Variants in NXPH1 observed in about 807,000 individuals in gnomAD.
The protein encoded by NXPH1 is neurexophilin-1.
Under a neutral mutation model 23.7 loss-of-function variants are expected in NXPH1, and 5 were observed. The ratio of observed to expected loss-of-function variants is 0.21; its 90% CI spans 0.11 to 0.44. The LOEUF is 0.44. Among genes scored for constraint, NXPH1 ranks in the 20% least tolerant of loss-of-function variants. NXPH1 has a pLI of 0.99. For missense variants in NXPH1, 324 were observed against 321.6 expected, an observed-to-expected ratio of 1.01 and a Z score of -0.06; for synonymous variants, 144 against 122.2, an observed-to-expected ratio of 1.18 and a Z score of -1.18.
chr7:8,605,869 C>T (rs571372295), intron 2 of NXPH1, among the ~76,000 whole-genome samples: 1 of 152,190 alleles, frequency 6.6e-6, no homozygotes, highest in East Asian at 1.9e-4. Flanking sequence ...AAGCACCATT[C>T]TTGATTTTAA....
intron 2 of NXPH1, among the ~76,000 whole-genome samples, chr7:8,465,883 T>C (rs2349482): frequency 0.38 from 57,463 of 152,056 alleles, 11,325 homozygotes; most frequent in East Asian, 0.64. Flanking sequence ...GAGACTGTTG[T>C]GTCCACAGCC....
chr7:8,710,686 C>T lies in NXPH1; in HGVS notation c.55-40322C>T, dbSNP rs932604177. ...TTTTTTTTTTTTTGAGACGGAGTCT[C>T]GCTCTGTCGCCCAGGCCGGACTGCG... On this transcript the variant is annotated intron_variant, in intron 2 of 2. Coordinates refer to ENST00000405863, the MANE Select transcript of NXPH1 (RefSeq NM_152745.3). 7.7e-5 allele frequency among the ~76,000 whole-genome samples: 7 copies of T among 90,850 alleles called. 1 individual carries two copies. The highest frequency in any genetic ancestry group is 1.3e-4 in the Non-Finnish European group (7 of 55,484). 59.6% of individuals were successfully genotyped at this position (90,850 alleles called of 152,430 possible). A position where few individuals can be genotyped will look rare whatever the true frequency, so the allele number is the denominator to read the frequency against.
intron 2 of NXPH1, among the ~76,000 whole-genome samples, chr7:8,711,944 C>T (rs1455618098): frequency 6.6e-6 from 1 of 152,196 alleles, no homozygotes; most frequent in Non-Finnish European, 1.5e-5. Flanking sequence ...GAATGCCATC[C>T]AGTTGTGAGG....
intron 2 of NXPH1, among the ~76,000 whole-genome samples, chr7:8,523,623 C>G (rs1301859386): frequency 6.6e-6 from 1 of 152,018 alleles, no homozygotes; most frequent in East Asian, 1.9e-4. Flanking sequence ...TCTTTTTGTT[C>G]AGGATTTCTT....
intron 2 of NXPH1, among the ~76,000 whole-genome samples, chr7:8,731,450 T>G (rs1780152295): frequency 6.6e-6 from 1 of 152,164 alleles, no homozygotes; most frequent in Admixed American, 6.5e-5. Flanking sequence ...TTCTGCTCTG[T>G]TTTTTCCCCA....
intron 2 of NXPH1, among the ~76,000 whole-genome samples, chr7:8,533,606 C>T (rs575309557): frequency 3.3e-5 from 5 of 152,240 alleles, no homozygotes; most frequent in African/African-American, 7.2e-5. Context: ...ATAGGCAACT[C>T]GCCTATCTCT....
chr7:8,648,172 T>C (rs1562441899), intron 2 of NXPH1, among the ~76,000 whole-genome samples: 1 of 152,208 alleles, frequency 6.6e-6, no homozygotes, highest in Non-Finnish European at 1.5e-5. Context: ...CAATCCAAAT[T>C]ATATTCTTTA....
chr7:8,625,007 T>G (rs924281914), intron 2 of NXPH1, among the ~76,000 whole-genome samples: 1 of 152,174 alleles, frequency 6.6e-6, no homozygotes, highest in African/African-American at 2.4e-5. Flanking sequence ...CACATTCCAC[T>G]GGCCCTTCAG....
intron 2 of NXPH1, among the ~76,000 whole-genome samples, chr7:8,602,773 A>G (rs1819388657): frequency 6.6e-6 from 1 of 152,100 alleles, no homozygotes; most frequent in Non-Finnish European, 1.5e-5. Context: ...TCATAGCTCC[A>G]ATATCATGTT....
At chr7:8,468,971 T>C (rs1169108366) in intron 2 of NXPH1, among the ~76,000 whole-genome samples, 1 of 152,072 alleles carries the variant, frequency 6.6e-6, no homozygotes, top group Non-Finnish European at 1.5e-5. Context: ...CCATTTCTTT[T>C]CCATGCAATT....
At chr7:8,580,597 A>G (rs1286765110) in intron 2 of NXPH1, among the ~76,000 whole-genome samples, 1 of 152,150 alleles carries the variant, frequency 6.6e-6, no homozygotes, top group Non-Finnish European at 1.5e-5. Flanking sequence ...GAAGAAAAAG[A>G]TATCAGTCAT....
At chr7:8,621,285 G>T (rs1352124427) in intron 2 of NXPH1, among the ~76,000 whole-genome samples, 2 of 152,134 alleles carry the variant, frequency 1.3e-5, no homozygotes, top group Non-Finnish European at 2.9e-5. Flanking sequence ...CTGTCCAGGA[G>T]CTGCAGCATA....
intron 2 of NXPH1, among the ~76,000 whole-genome samples, chr7:8,732,013 T>C (rs549548882): frequency 6.6e-6 from 1 of 152,366 alleles, no homozygotes; most frequent in African/African-American, 2.4e-5. Flanking sequence ...CATAGGACCC[T>C]CCGAGCCAGG....
intron 2 of NXPH1, among the ~76,000 whole-genome samples, chr7:8,635,130 A>G (rs1820198600): frequency 6.6e-6 from 1 of 152,178 alleles, no homozygotes; most frequent in Non-Finnish European, 1.5e-5. Context: ...TCTAGAGGCA[A>G]CCTAAAGTGC....
Position 8,435,327 on chromosome 7 carries a change from G to C in NXPH1, c.-110-277G>C, listed in dbSNP as rs1379785954. On this transcript the variant is annotated intron_variant, in intron 1 of 2. Coordinates refer to ENST00000405863, the MANE Select transcript of NXPH1 (RefSeq NM_152745.3). This position sits in a 1 kb window ranked among gnomAD's most constrained non-coding sequence, Gnocchi z 5.9. The stretch of plus-strand genomic sequence containing the variant: ...TGGGCTCCGAACCAGCCTGCACGCG[G>C]CTCAGTGTGCTCCGCCGCCTGGGAA... 3.1e-6 allele frequency: 1 copy of C among 326,260 alleles called. No homozygotes were observed. Among genetic ancestry groups the C allele is most frequent in the African/African-American group, 2.2e-5 (1 of 45,608 alleles). The allele number at this position is 326,260 out of a possible 1,614,324, so 20.2% of individuals were successfully genotyped here.
intron 2 of NXPH1, among the ~76,000 whole-genome samples, chr7:8,644,744 A>G (rs79970906): frequency 0.014 from 2,194 of 152,230 alleles, 11 homozygotes; most frequent in Middle Eastern, 0.034. Flanking sequence ...AAGAATTAGA[A>G]TATGATAATG....
chr7:8,456,977 A>G (rs932585178), intron 2 of NXPH1, among the ~76,000 whole-genome samples: 1 of 152,176 alleles, frequency 6.6e-6, no homozygotes, highest in African/African-American at 2.4e-5. Context: ...TGGTGGCACA[A>G]TATCTTCTAA....
At chr7:8,512,078 A>T (rs1817621735) in intron 2 of NXPH1, among the ~76,000 whole-genome samples, 1 of 152,100 alleles carries the variant, frequency 6.6e-6, no homozygotes, top group South Asian at 2.1e-4. Context: ...TAGCCCCCTG[A>T]GTGTCCAAAT....
intron 2 of NXPH1, among the ~76,000 whole-genome samples, chr7:8,537,554 C>A (rs1421538137): frequency 1.3e-5 from 2 of 151,878 alleles, no homozygotes; most frequent in Non-Finnish European, 2.9e-5. Context: ...AGGTAACCAC[C>A]CCCATGATTC....
Sources: allele counts gnomAD v4.1 joint callset (sites outside exome capture counted in the v4.1 genomes callset), GRCh38; gene constraint gnomAD v4.1.1; non-coding constraint Gnocchi (gnomAD v3.1); transcripts MANE v1.5; gene names NCBI Gene and HGNC (gene_info 2026-07-23, HGNC 2026-07-21).